The following TMC7 variants were observed in gnomAD, a reference collection of about 807,000 sequenced individuals.
TMC7 encodes the protein transmembrane channel-like protein 7.
TMC7 carries 54 observed loss-of-function variants against 82.9 expected under a neutral mutation model. The ratio of observed to expected loss-of-function variants is 0.65; its 90% CI spans 0.52 to 0.82. The LOEUF is 0.82. Ranked by LOEUF, TMC7 falls within the 40% of genes least tolerant of loss-of-function variation. The pLI, the probability that TMC7 is intolerant of heterozygous loss-of-function variation, is 0.00. For missense variants in TMC7, 820 were observed against 901.2 expected (o/e 0.91, Z 1.15); for synonymous variants, 350 against 337.9 (o/e 1.04, Z -0.39).
intron 2 of TMC7, among the ~76,000 whole-genome samples, chr16:19,011,429 G>C (rs1959333265): frequency 6.6e-6 from 1 of 151,960 alleles, no homozygotes; most frequent in South Asian, 2.1e-4. Flanking sequence ...AGCAACTTGA[G>C]AGGCTGACGC....
intron 13 of TMC7, among the ~76,000 whole-genome samples, chr16:19,055,526 T>G (rs1343685920): frequency 6.6e-6 from 1 of 152,122 alleles, no homozygotes; most frequent in Non-Finnish European, 1.5e-5. Context: ...CCCAGCTAAT[T>G]ATTGTATTTT....
chr16:18,997,675 T>C (rs2039067433), intron 1 of TMC7, among the ~76,000 whole-genome samples: 1 of 150,600 alleles, frequency 6.6e-6, no homozygotes, highest in Non-Finnish European at 1.5e-5. Flanking sequence ...GCACCCGGCC[T>C]CAGGCACTGT....
intron 1 of TMC7, among the ~76,000 whole-genome samples, chr16:18,993,821 G>A (rs2038991751): frequency 6.6e-6 from 1 of 152,164 alleles, no homozygotes; most frequent in African/African-American, 2.4e-5. Context: ...GCAAGAGAGA[G>A]GGCCCGAGTT....
rs760359195 is a variant in TMC7, at chr16:18,988,156, CTTTTTTT to C, written c.67+4038_67+4044del. 9.8e-3 allele frequency among the ~76,000 whole-genome samples: 1,265 copies of C among 128,968 alleles called. 18 individuals carry two copies. Among genetic ancestry groups the C allele is most frequent in the Middle Eastern group, 0.058 (13 of 226 alleles). 84.6% of individuals were successfully genotyped at this position (128,968 alleles called of 152,430 possible). ...GTTAATTTTCTTTTCTTCTCTCTTT[CTTTTTTT>C]TTTTTTTTTTTGATGGAGTCTTGTT... On this transcript the variant is annotated intron_variant, in intron 1 of 15. Transcript: ENST00000304381.
At chr16:19,014,285 C>A (rs1389045010) in intron 2 of TMC7, among the ~76,000 whole-genome samples, 1 of 152,030 alleles carries the variant, frequency 6.6e-6, no homozygotes, top group Non-Finnish European at 1.5e-5. Context: ...GAAGCATGTC[C>A]CCCTCCCCCA....
chr16:19,016,239 C>T (rs144844452), intron 2 of TMC7, among the ~76,000 whole-genome samples: 2 of 151,966 alleles, frequency 1.3e-5, no homozygotes, highest in African/African-American at 4.8e-5. Context: ...TACAGGCGCC[C>T]GCCACCACAC....
At chr16:19,051,897 C>A in intron 13 of TMC7, 81 bp downstream of exon 13, 7 of 1,493,430 alleles carry the variant, frequency 4.7e-6, no homozygotes, top group African/African-American at 2.8e-5. Context: ...CGTCATATCA[C>A]ATTTTTTTTT....
chr16:19,060,592 A>G (rs8053779), intron 15 of TMC7, among the ~76,000 whole-genome samples: 107,026 of 151,878 alleles, frequency 0.7, 38,440 homozygotes, highest in South Asian at 0.87. Context: ...AGCACAGTAA[A>G]GAAATGAGCC....
At chr16:19,029,784 G>T (rs1960422964) in intron 5 of TMC7, among the ~76,000 whole-genome samples, 1 of 150,868 alleles carries the variant, frequency 6.6e-6, no homozygotes, top group Non-Finnish European at 1.5e-5. Context: ...GGGTTCAAGT[G>T]ATTCTCCTGC....
chr16:19,047,804 C>G lies in TMC7; in HGVS notation c.1740+555C>G, dbSNP rs559415845. The stretch of plus-strand genomic sequence containing the variant: ...CTCGGCTCACTGCAACCTCTGCCCC[C>G]CCAGGTTCGAGCGATTCTCCTGCCT... On this transcript the variant is annotated intron_variant, in intron 12 of 15. Transcript: ENST00000304381. 2.1e-3 allele frequency among the ~76,000 whole-genome samples: 317 copies of G among 151,778 alleles called. 1 individual carries two copies. Among genetic ancestry groups the G allele is most frequent in the African/African-American group, 7.3e-3 (304 of 41,376 alleles).
chr16:18,988,745 C>G (rs1054960779), intron 1 of TMC7, among the ~76,000 whole-genome samples: 1 of 152,100 alleles, frequency 6.6e-6, no homozygotes, highest in South Asian at 2.1e-4. Flanking sequence ...TCTGGAGATA[C>G]GTTGTTAGGA....
intron 12 of TMC7, among the ~76,000 whole-genome samples, chr16:19,050,513 C>A (rs771397485): frequency 6.6e-6 from 1 of 151,168 alleles, no homozygotes; most frequent in African/African-American, 2.4e-5. Context: ...TTTTTTGAGA[C>A]GGGGTCTCAC....
At chr16:18,986,106 C>T (rs1288043109) in intron 1 of TMC7, among the ~76,000 whole-genome samples, 1 of 151,656 alleles carries the variant, frequency 6.6e-6, no homozygotes, top group Non-Finnish European at 1.5e-5. Context: ...TAAAACTTTC[C>T]GGTGGCTGGC....
In TMC7 at chr16:18,998,250, T is replaced by C. The variant is rs1369932558; in HGVS notation, c.68-10922T>C. Among the ~76,000 whole-genome samples the C allele has an allele frequency of 2.0e-5, 3 of 152,230 alleles. No homozygotes were observed. The East Asian group carries it at 5.8e-4, about 29-fold the overall frequency. On this transcript the variant is annotated intron_variant, in intron 1 of 15. Coordinates refer to ENST00000304381, the MANE Select transcript of TMC7 (RefSeq NM_024847.4). ...GACAGCTATAGGAGGTAGGAACCGC[T>C]GTCTACATTTTATAGGTGGGAAAAC... is the stretch of plus-strand genomic sequence containing the variant.
chr16:18,999,062 A>G (rs1488591363), intron 1 of TMC7, among the ~76,000 whole-genome samples: 4 of 152,150 alleles, frequency 2.6e-5, no homozygotes, highest in Non-Finnish European at 5.9e-5. Flanking sequence ...ATTTTGAGAC[A>G]GTGTCTCTCT....
chr16:19,050,243 T>C (rs1596792465), intron 12 of TMC7, among the ~76,000 whole-genome samples: 1 of 150,652 alleles, frequency 6.6e-6, no homozygotes, highest in Non-Finnish European at 1.5e-5. Flanking sequence ...TGGTGGCGGG[T>C]GCCTGTAGTC....
chr16:18,987,406 G>T (rs990788471), intron 1 of TMC7, among the ~76,000 whole-genome samples: 6 of 152,030 alleles, frequency 3.9e-5, no homozygotes, highest in African/African-American at 1.4e-4. Context: ...TGCCTCCCAG[G>T]TTCAAGCGAT....
intron 1 of TMC7, among the ~76,000 whole-genome samples, chr16:19,005,056 T>TTTTTTTTA (rs2039213141): frequency 3.5e-5 from 5 of 144,144 alleles, no homozygotes; most frequent in African/African-American, 1.3e-4. Flanking sequence ...AAATACTTTA[T>TTTTTTTTA]TTTATTTATT....
At chr16:18,989,894 C>A (rs1173038852) in intron 1 of TMC7, among the ~76,000 whole-genome samples, 2 of 151,630 alleles carry the variant, frequency 1.3e-5, no homozygotes, top group Admixed American at 6.6e-5. Context: ...GTGTTTCATG[C>A]GCGTCCATGT....
Sources: gnomAD v4.1 joint callset for allele counts (sites outside exome capture counted in the v4.1 genomes callset) on GRCh38, gnomAD v4.1.1 for gene constraint, MANE v1.5 for transcripts, NCBI Gene and HGNC (gene_info 2026-07-23, HGNC 2026-07-21) for gene names.